DNAJC3: variants seen among roughly 807,000 people sequenced by gnomAD.
The protein encoded by DNAJC3 is dnaJ homolog subfamily C member 3.
In DNAJC3, 38 loss-of-function variants were observed where a neutral mutation model predicts 68.6. That is an observed-to-expected ratio of 0.55 (90% CI 0.43 to 0.73). The LOEUF (loss-of-function observed/expected upper bound fraction) is 0.73. Ranked by LOEUF, DNAJC3 falls within the 30% of genes least tolerant of loss-of-function variation. The pLI, the probability that DNAJC3 is intolerant of heterozygous loss-of-function variation, is 0.00. For synonymous variants in DNAJC3, 203 were observed against 204.0 expected, an observed-to-expected ratio of 1.00 and a Z score of 0.04; for missense variants, 526 against 591.9, an observed-to-expected ratio of 0.89 and a Z score of 1.16.
intron 2 of DNAJC3, among the ~76,000 whole-genome samples, chr13:95,715,400 C>G (rs1193313149): frequency 6.6e-6 from 1 of 152,054 alleles, no homozygotes; most frequent in Non-Finnish European, 1.5e-5. Context: ...AACCCTGTCT[C>G]CAAAATAAAG....
intron 1 of DNAJC3, chr13:95,692,536 C>T (rs1366467399): frequency 2.6e-5 from 4 of 151,804 alleles, no homozygotes; most frequent in African/African-American, 9.7e-5. Context: ...TAATAATAAC[C>T]CCAGGGCCCA....
At chr13:95,783,350 TG>T (rs1211860971) in intron 9 of DNAJC3, among the ~76,000 whole-genome samples, 1 of 152,222 alleles carries the variant, frequency 6.6e-6, no homozygotes, top group African/African-American at 2.4e-5. Context: ...AAGACTGCTT[TG>T]GGGAGATAAC....
intron 1 of DNAJC3, among the ~76,000 whole-genome samples, chr13:95,692,358 G>A (rs928148288): frequency 1.3e-5 from 2 of 152,140 alleles, no homozygotes; most frequent in African/African-American, 4.8e-5. Flanking sequence ...TCTGTCTTGT[G>A]TTGTCAGTGG....
intron 1 of DNAJC3, among the ~76,000 whole-genome samples, chr13:95,688,753 C>T (rs1880136001): frequency 6.6e-6 from 1 of 152,162 alleles, no homozygotes; most frequent in African/African-American, 2.4e-5. Context: ...CCTCCCACCT[C>T]AGCCTCCCAA....
intron 7 of DNAJC3, among the ~76,000 whole-genome samples, chr13:95,762,833 T>C (rs937446298): frequency 2.0e-5 from 3 of 152,186 alleles, no homozygotes; most frequent in African/African-American, 7.2e-5. Flanking sequence ...GTGTTCTCAT[T>C]GTTCAGCTCC....
chr13:95,713,101 C>T (rs1270295076), intron 2 of DNAJC3, among the ~76,000 whole-genome samples: 3 of 152,130 alleles, frequency 2.0e-5, no homozygotes, highest in African/African-American at 7.2e-5. Context: ...GAAATTTACT[C>T]ATGCCGAACT....
intron 9 of DNAJC3, among the ~76,000 whole-genome samples, chr13:95,770,734 A>G (rs1265024025): frequency 6.6e-6 from 1 of 152,230 alleles, no homozygotes; most frequent in Non-Finnish European, 1.5e-5. Flanking sequence ...CAGTGGGAGA[A>G]GCTGACTTTA....
chr13:95,780,246 G>T (rs1304126697), intron 9 of DNAJC3, among the ~76,000 whole-genome samples: 1 of 152,176 alleles, frequency 6.6e-6, no homozygotes, highest in Non-Finnish European at 1.5e-5. Context: ...AGGGGTGTGT[G>T]TTTTGCACTT....
intron 1 of DNAJC3, among the ~76,000 whole-genome samples, chr13:95,705,326 A>C (rs1880703598): frequency 6.6e-6 from 1 of 152,052 alleles, no homozygotes; most frequent in African/African-American, 2.4e-5. Context: ...GTGCCCACCT[A>C]GTCTCTCATG....
intron 1 of DNAJC3, among the ~76,000 whole-genome samples, chr13:95,689,407 CTGA>C (rs1462281195): frequency 6.6e-6 from 1 of 151,736 alleles, no homozygotes; most frequent in Non-Finnish European, 1.5e-5. Context: ...ATAGTAGTCT[CTGA>C]TGATGTTTTG....
rs562669984 is a variant in DNAJC3, at chr13:95,678,890, G to A, written c.82+1553G>A. 1.5e-4 allele frequency among the ~76,000 whole-genome samples: 23 copies of A among 152,300 alleles called. No homozygotes were observed. The East Asian group carries it at 4.3e-3, about 28-fold the overall frequency. On this transcript the variant is annotated intron_variant, in intron 1 of 11. Coordinates refer to ENST00000602402, the MANE Select transcript of DNAJC3 (RefSeq NM_006260.5). The stretch of plus-strand genomic sequence containing the variant: ...AAACCACATTTGAGAGCTTTTCTGT[G>A]TAGGAGGCACTGGTGACATTTCTCA...
chr13:95,708,884 CTA>C (rs1160975349), intron 1 of DNAJC3, among the ~76,000 whole-genome samples: 1 of 152,146 alleles, frequency 6.6e-6, no homozygotes, highest in Non-Finnish European at 1.5e-5. Context: ...GTAACAGTCT[CTA>C]TGATGTTCAT....
At chr13:95,691,775 G>A (rs1227109531) in intron 1 of DNAJC3, among the ~76,000 whole-genome samples, 1 of 152,246 alleles carries the variant, frequency 6.6e-6, no homozygotes, top group South Asian at 2.1e-4. Context: ...ATTGAGCACT[G>A]AGTGAACGAG....
rs1056480912 is a variant in DNAJC3 at position 95,785,362 on chromosome 13, G to A, written c.1076-577G>A. Among the ~76,000 whole-genome samples the A allele has an allele frequency of 5.9e-5, 9 of 152,038 alleles. No homozygotes were observed. In the South Asian group the frequency reaches 1.5e-3, roughly 25 times the overall value. ...CCCAGAGGGTATGGGGAGATAATGC[G>A]GGAGGGTGGGCAAGTAAACAGCAGT... On this transcript the variant is annotated intron_variant, in intron 9 of 11. Transcript: ENST00000602402.
chr13:95,760,227 T>C lies in DNAJC3; in HGVS notation c.728+6T>C, dbSNP rs190426379. ...GACCACGAACTGTCCCTCAGGTCAGTTCTAGTGACACACATGTCTGATCTT... is the reference window on the plus strand; with the variant it reads ...GACCACGAACTGTCCCTCAGGTCAGCTCTAGTGACACACATGTCTGATCTT... On this transcript the variant is annotated splice_donor_region_variant and intron_variant, in intron 6 of 11. Coordinates refer to ENST00000602402, the MANE Select transcript of DNAJC3 (RefSeq NM_006260.5). The C allele has an allele frequency of 4.5e-6, 7 of 1,539,832 alleles. No individual in the cohort carries two copies. The highest frequency in any genetic ancestry group is 6.1e-6 in the Non-Finnish European group (7 of 1,143,984).
chr13:95,724,928 G>T (rs1373095327), intron 3 of DNAJC3, among the ~76,000 whole-genome samples: 3 of 152,114 alleles, frequency 2.0e-5, no homozygotes, highest in Non-Finnish European at 4.4e-5. Flanking sequence ...GAACATACAT[G>T]TACAAGTTTT....
At chr13:95,705,332 T>C (rs1880703805) in intron 1 of DNAJC3, among the ~76,000 whole-genome samples, 1 of 152,106 alleles carries the variant, frequency 6.6e-6, no homozygotes, top group Non-Finnish European at 1.5e-5. Flanking sequence ...ACCTAGTCTC[T>C]CATGGTTCAG....
At chr13:95,756,331 A>G (rs1299087705) in intron 4 of DNAJC3, among the ~76,000 whole-genome samples, 1 of 152,210 alleles carries the variant, frequency 6.6e-6, no homozygotes, top group Non-Finnish European at 1.5e-5. Flanking sequence ...CTTAAACTGG[A>G]TGATGCAATC....
At chr13:95,755,990 T>C (rs1882651403) in intron 4 of DNAJC3, among the ~76,000 whole-genome samples, 2 of 152,090 alleles carry the variant, frequency 1.3e-5, no homozygotes, top group Admixed American at 1.3e-4. Context: ...TTCCATTACC[T>C]GAGCCCTCCA....
Sources: allele counts gnomAD v4.1 joint callset (sites outside exome capture counted in the v4.1 genomes callset), GRCh38; gene constraint gnomAD v4.1.1; transcripts MANE v1.5; gene names NCBI Gene and HGNC (gene_info 2026-07-23, HGNC 2026-07-21).